MINDY4: variants seen among roughly 807,000 people sequenced by gnomAD.
MINDY4 encodes the protein probable ubiquitin carboxyl-terminal hydrolase MINDY-4.
A neutral mutation model predicts 87.0 loss-of-function variants in MINDY4; 68 were observed. That is an observed-to-expected ratio of 0.78 (90% confidence interval 0.64 to 0.96). The LOEUF (loss-of-function observed/expected upper bound fraction) is 0.96, where lower values mean the gene tolerates loss of function less well. Ranked by LOEUF, MINDY4 falls within the 40% of genes least tolerant of loss-of-function variation. The probability of loss-of-function intolerance (pLI) is 0.00; values close to 1 mark genes in which losing one functional copy is unlikely to be tolerated. For missense variants in MINDY4, 919 were observed against 928.2 expected (o/e 0.99, Z 0.13); for synonymous variants, 379 against 363.2 (o/e 1.04, Z -0.50).
intron 5 of MINDY4, among the ~76,000 whole-genome samples, chr7:30,816,270 C>A (rs1788147336): frequency 2.0e-5 from 3 of 149,244 alleles, no homozygotes; most frequent in Admixed American, 1.3e-4. Context: ...AACTGTATGC[C>A]CTTGAAGAAA....
intron 17 of MINDY4, among the ~76,000 whole-genome samples, chr7:30,885,268 CCAG>C (rs1790593854): frequency 6.6e-6 from 1 of 152,144 alleles, no homozygotes. Context: ...ACCTATAATC[CCAG>C]CACTTTGGAA....
intron 9 of MINDY4, among the ~76,000 whole-genome samples, chr7:30,843,222 C>T (rs926200676): frequency 1.3e-5 from 2 of 152,202 alleles, no homozygotes; most frequent in Non-Finnish European, 2.9e-5. Context: ...GGAGGGGAGG[C>T]AGAATGGTAT....
chr7:30,848,214 G>A (rs1289090378), intron 9 of MINDY4, among the ~76,000 whole-genome samples: 3 of 152,182 alleles, frequency 2.0e-5, no homozygotes, highest in African/African-American at 4.8e-5. Flanking sequence ...TTTGTGTAAC[G>A]TCTATCCATG....
rs76676760 is a variant in MINDY4 at position 30,792,513 on chromosome 7, T to G, written c.1073+939T>G. 9.6e-3 allele frequency among the ~76,000 whole-genome samples: 1,468 copies of G among 152,364 alleles called. 26 individuals are homozygous for G. Among genetic ancestry groups the G allele is most frequent in the African/African-American group, 0.033 (1,374 of 41,592 alleles). On this transcript the variant is annotated intron_variant, in intron 5 of 17. Coordinates refer to ENST00000265299, the MANE Select transcript of MINDY4 (RefSeq NM_032222.3). ...ATTTTCTGTGCATTAAGTTGAAAGG[T>G]GTTAAATTATGTGTTCAATTAAAAA...
intron 5 of MINDY4, among the ~76,000 whole-genome samples, chr7:30,808,663 G>C (rs945476484): frequency 2.0e-5 from 3 of 152,144 alleles, no homozygotes; most frequent in African/African-American, 7.2e-5. Context: ...AGATAGACTG[G>C]CCAGCATTAG....
intron 1 of MINDY4, among the ~76,000 whole-genome samples, chr7:30,772,212 G>A (rs1404246835): frequency 2.0e-5 from 3 of 152,046 alleles, no homozygotes; most frequent in Non-Finnish European, 2.9e-5. Flanking sequence ...TAGTGGAGGG[G>A]GACATACATT....
chr7:30,855,366 T>C (rs1225729217), intron 12 of MINDY4, among the ~76,000 whole-genome samples: 4 of 152,164 alleles, frequency 2.6e-5, no homozygotes, highest in Admixed American at 6.5e-5. Context: ...ATCCGGAGTG[T>C]TGTGAGAGTG....
intron 9 of MINDY4, 38 bp from the exon 10 acceptor site, chr7:30,850,416 C>T: frequency 6.4e-7 from 1 of 1,566,624 alleles, no homozygotes; most frequent in South Asian, 1.2e-5. Flanking sequence ...AACCTTGTGT[C>T]CACATGGGCA....
intron 12 of MINDY4, among the ~76,000 whole-genome samples, chr7:30,855,943 T>C (rs1408651621): frequency 6.6e-6 from 1 of 152,266 alleles, no homozygotes. Flanking sequence ...AATTCATTTT[T>C]CATGGCCTGG....
At chr7:30,784,523 G>A (rs1251754488) in intron 3 of MINDY4, among the ~76,000 whole-genome samples, 4 of 152,168 alleles carry the variant, frequency 2.6e-5, no homozygotes, top group African/African-American at 7.2e-5. Flanking sequence ...AGCTTTCCAC[G>A]AAAAGAGTCT....
At chr7:30,793,355 AT>A (rs549704114) in intron 5 of MINDY4, among the ~76,000 whole-genome samples, 11 of 140,766 alleles carry the variant, frequency 7.8e-5, no homozygotes, top group Admixed American at 2.1e-4. Flanking sequence ...TTCCTTTAGT[AT>A]TTTTTTTTAG....
intron 3 of MINDY4, among the ~76,000 whole-genome samples, chr7:30,784,253 C>T (rs567724621): frequency 2.0e-5 from 3 of 152,218 alleles, no homozygotes; most frequent in Non-Finnish European, 2.9e-5. Flanking sequence ...GCTCCTGAGT[C>T]CCACCCAGTT....
rs1584356563 is a variant in MINDY4 at position 30,883,060 on chromosome 7, T to C, written c.2225+67T>C. The C allele has an allele frequency of 2.0e-6, 3 of 1,493,972 alleles. No individual in the cohort carries two copies. In the South Asian group the frequency reaches 3.5e-5, roughly 17 times the overall value. The allele number at this position is 1,493,972 out of a possible 1,614,324, so 92.5% of individuals were successfully genotyped here. A position where few individuals can be genotyped will look rare whatever the true frequency, so the allele number is the denominator to read the frequency against. On this transcript the variant is annotated intron_variant, in intron 17 of 17. Coordinates refer to ENST00000265299, the MANE Select transcript of MINDY4 (RefSeq NM_032222.3). ...AGCTTTGAGGAGCCATGGTTGGGGG[T>C]GGTCAGGCCTGCAGGAAGGCAGATA...
chr7:30,835,992 A>G (rs1013095228), intron 6 of MINDY4, among the ~76,000 whole-genome samples: 2 of 152,208 alleles, frequency 1.3e-5, no homozygotes, highest in Non-Finnish European at 2.9e-5. Context: ...GTGGGATGGT[A>G]GAGTTACTAG....
At position 30,840,809 on chromosome 7, in the gene MINDY4, A is replaced by G; in HGVS notation, c.1406A>G (p.Lys469Arg). 1 of 1,614,164 alleles carries G rather than the reference A, an allele frequency of 6.2e-7. No individual in the cohort carries two copies. The highest frequency in any genetic ancestry group is 8.5e-7 in the Non-Finnish European group (1 of 1,180,014). Residue 469 changes from lysine to arginine, a missense_variant, in exon 9 of 18, where the codon AAA (lysine) becomes AGA (arginine). By Grantham distance (26) the Lys-to-Arg change is conservative. Transcript: ENST00000265299. ...LAAVQGCVLQ[K>R]LLFEGDSKAD... Reference sequence around the variant, plus strand: ...GCTGTCCAAGGCTGTGTCCTACAGAAACTCCTGTTTGAAGGAGATAGCAAA... The same window carrying G: ...GCTGTCCAAGGCTGTGTCCTACAGAGACTCCTGTTTGAAGGAGATAGCAAA...
intron 5 of MINDY4, among the ~76,000 whole-genome samples, chr7:30,797,902 A>G (rs889249082): frequency 6.6e-6 from 1 of 152,168 alleles, no homozygotes; most frequent in Non-Finnish European, 1.5e-5. Flanking sequence ...GGGTGTATAC[A>G]TACATACAGA....
intron 5 of MINDY4, chr7:30,803,316 A>C (rs1048608196): frequency 1.3e-5 from 2 of 152,238 alleles, no homozygotes; most frequent in Non-Finnish European, 1.5e-5. Context: ...TATTCCAATA[A>C]ATAAGAATTG....
chr7:30,863,503 G>A (rs545340105), intron 13 of MINDY4, among the ~76,000 whole-genome samples: 2 of 152,268 alleles, frequency 1.3e-5, no homozygotes, highest in South Asian at 2.1e-4. Flanking sequence ...GATGGAGAGG[G>A]CATAGTCGTT....
chr7:30,845,877 C>T (rs1214060200), intron 9 of MINDY4, among the ~76,000 whole-genome samples: 1 of 152,226 alleles, frequency 6.6e-6, no homozygotes, highest in Non-Finnish European at 1.5e-5. Flanking sequence ...CCGGCCTCTC[C>T]TCAGTCGGGA....
Sources: allele counts gnomAD v4.1 joint callset (sites outside exome capture counted in the v4.1 genomes callset), GRCh38; gene constraint gnomAD v4.1.1; transcripts MANE v1.5; gene names NCBI Gene and HGNC (gene_info 2026-07-23, HGNC 2026-07-21).